The following ZNF780A variants were observed in gnomAD, a reference collection of about 807,000 sequenced individuals.
ZNF780A encodes zinc finger protein 780A.
A neutral mutation model predicts 56.7 loss-of-function variants in ZNF780A; 40 were observed. The ratio of observed to expected loss-of-function variants is 0.71; its 90% CI spans 0.55 to 0.92. The LOEUF is 0.92. Among genes scored for constraint, ZNF780A ranks in the 40% least tolerant of loss-of-function variants. The probability of loss-of-function intolerance (pLI) is 0.00; values close to 1 mark genes in which losing one functional copy is unlikely to be tolerated. For missense variants in ZNF780A, 672 were observed against 783.3 expected (o/e 0.86, Z 1.70); for synonymous variants, 231 against 248.3 (o/e 0.93, Z 0.66).
Position 40,075,296 on chromosome 19 carries a change from A to T in ZNF780A, c.1146T>A (p.Ile382=), listed in dbSNP as rs753118923. The T allele has an allele frequency of 6.2e-7, 1 of 1,613,598 alleles. No homozygotes were observed. The highest frequency in any genetic ancestry group is 1.7e-5 in the Admixed American group (1 of 59,952). The part of the protein sequence containing the change: ...LLNQLNRHKN[I]HTGEKPFECK... ...ATTCAAACGGTTTTTCACCTGTGTG[A>T]ATGTTCTTATGGCGATTAAGCTGGT... Residue 382 remains isoleucine (I), a synonymous_variant, in exon 6 of 6, where the codon ATT becomes ATA. Transcript: ENST00000683561.
At position 40,074,599 on chromosome 19, in the gene ZNF780A, A is replaced by T. The variant is rs142531830; in HGVS notation, c.1843T>A (p.Cys615Ser). The T allele has an allele frequency of 3.9e-3, 6,362 of 1,613,990 alleles. 18 individuals carry two copies. Among genetic ancestry groups the T allele is most frequent in the Non-Finnish European group, 4.7e-3 (5,503 of 1,179,986 alleles). The change falls in exon 6 of 6, where the codon TGT becomes AGT. Residue 615 changes from cysteine to serine, a missense_variant. Cys to Ser is a moderately radical substitution (Grantham distance 112). Coordinates refer to ENST00000683561, the MANE Select transcript of ZNF780A (RefSeq NM_001142578.2). Reference sequence around the variant, plus strand: ...CTAAAAACCTTTCCACATTCCTTACATTCAAAGGGTTTCTCACCAGTATGC... The same window carrying T: ...CTAAAAACCTTTCCACATTCCTTACTTTCAAAGGGTTTCTCACCAGTATGC... ...KLHTGEKPFECKECGKVFSLP... is the reference protein window; with the variant it reads ...KLHTGEKPFESKECGKVFSLP...
chr19:40,082,541 T>A (rs993460503), intron 4 of ZNF780A, among the ~76,000 whole-genome samples: 1 of 152,216 alleles, frequency 6.6e-6, no homozygotes, highest in Non-Finnish European at 1.5e-5. Context: ...TAGTGTTAAA[T>A]GAATTTCTGT....
At position 40,081,843 on chromosome 19, in the gene ZNF780A, T is replaced by G. The variant is rs972524150; in HGVS notation, c.208A>C (p.Lys70Gln). The G allele has an allele frequency of 2.5e-6, 4 of 1,612,834 alleles. No homozygotes were observed. Among genetic ancestry groups the G allele is most frequent in the African/African-American group, 2.7e-5 (2 of 74,828 alleles). The change falls in exon 5 of 6, where the codon AAA becomes CAA. Residue 70 changes from lysine (K) to glutamine (Q), a missense_variant. Physicochemically the swap from Lys to Gln is moderately conservative, Grantham distance 53. Transcript: ENST00000683561. Reference protein sequence around the residue: ...QEKEPWMVVRKETSRRYPDLE... With the variant: ...QEKEPWMVVRQETSRRYPDLE... ...CCTGGATACCGTCTGCTTGTTTCTT[T>G]CCTTACAACCATCCAGGGCTCTTTC... is the stretch of plus-strand genomic sequence containing the variant.
rs1161754075 is a variant in ZNF780A, at chr19:40,074,338, C to T, written c.*178G>A. On this transcript the variant is annotated 3_prime_UTR_variant, in exon 6 of 6. Transcript: ENST00000683561. Reference sequence around the variant, plus strand: ...AATGATATCTAAAGGTCGTCCTCCACTCCTTGCATACAAAGAGTTTCTCAC... The same window carrying T: ...AATGATATCTAAAGGTCGTCCTCCATTCCTTGCATACAAAGAGTTTCTCAC... 2.6e-6 allele frequency: 4 copies of T among 1,523,624 alleles called. No homozygotes were observed. In the African/African-American group the frequency reaches 4.2e-5, roughly 16 times the overall value. 94.4% of individuals were successfully genotyped at this position (1,523,624 alleles called of 1,614,324 possible). A position where few individuals can be genotyped will look rare whatever the true frequency, so the allele number is the denominator to read the frequency against.
chr19:40,085,558 T>C (rs1465653279), intron 2 of ZNF780A, among the ~76,000 whole-genome samples: 7 of 152,162 alleles, frequency 4.6e-5, no homozygotes, highest in Non-Finnish European at 1.0e-4. Context: ...CCTCTGTGTA[T>C]TGTAGCTCCA....
Position 40,075,462 on chromosome 19 carries a change from T to A in ZNF780A, c.980A>T (p.His327Leu), listed in dbSNP as rs768382786. 6.2e-7 allele frequency: 1 copy of A among 1,614,054 alleles called. No individual in the cohort carries two copies. Among genetic ancestry groups the A allele is most frequent in the Non-Finnish European group, 8.5e-7 (1 of 1,180,024 alleles). Residue 327 changes from histidine (H) to leucine (L), a missense_variant, in exon 6 of 6, where the codon CAT (histidine) becomes CTT (leucine). Transcript: ENST00000683561. ...HYQLIEHCQI[H>L]TGEKPFECKE... ...ACATTCAAAGGGTTTCTCACCAGTA[T>A]GAATTTGGCAATGTTCAATAAGTTG...
chr19:40,072,224 C>A, downstream of ZNF780A: 1 of 224,364 alleles, frequency 4.5e-6, no homozygotes, highest in South Asian at 8.2e-5. Context: ...GAGGAAATCT[C>A]AACTGCACAA....
chr19:40,087,541 A>C (rs1974882542), intron 2 of ZNF780A, among the ~76,000 whole-genome samples: 1 of 152,208 alleles, frequency 6.6e-6, no homozygotes, highest in African/African-American at 2.4e-5. Context: ...AATTTCTATA[A>C]TACTTCAATA....
chr19:40,073,058 C>G lies in ZNF780A; in HGVS notation c.*1458G>C. 7.1e-7 allele frequency: 1 copy of G among 1,411,384 alleles called. No homozygotes were observed. The highest frequency in any genetic ancestry group is 2.8e-5 in the East Asian group (1 of 36,162). The allele number at this position is 1,411,384 out of a possible 1,614,324, so 87.4% of individuals were successfully genotyped here. On this transcript the variant is annotated 3_prime_UTR_variant, in exon 6 of 6. Transcript: ENST00000683561. The stretch of plus-strand genomic sequence containing the variant: ...TGGTACAATGGCTATATGATATTGT[C>G]TATATTGTCTTCATGTTTGGTTGAT...
rs1974102930 is a variant in ZNF780A, at chr19:40,075,876, C to T, written c.566G>A (p.Gly189Glu). ...NLIQHQSIHT[G>E]EKPFECKECG... ...CTCCTTACATTCAAAGGGTTTCTCT[C>T]CAGTATGAATACTCTGATGCTGAAT... Residue 189 changes from glycine to glutamate, a missense_variant, in exon 6 of 6, where the codon GGA (glycine) becomes GAA (glutamate). By Grantham distance (98) the Gly-to-Glu change is moderately conservative. Transcript: ENST00000683561. 3 of 1,614,088 alleles carry T rather than the reference C, an allele frequency of 1.9e-6. No individual in the cohort carries two copies. The highest frequency in any genetic ancestry group is 2.5e-6 in the Non-Finnish European group (3 of 1,179,988).
chr19:40,084,639 G>T lies in ZNF780A; in HGVS notation c.9+106C>A. 4 of 1,157,868 alleles carry T rather than the reference G, an allele frequency of 3.5e-6. No homozygotes were observed. The East Asian group carries it at 7.8e-5, about 23-fold the overall frequency. The allele number at this position is 1,157,868 out of a possible 1,614,324, so 71.7% of individuals were successfully genotyped here. A position where few individuals can be genotyped will look rare whatever the true frequency, so the allele number is the denominator to read the frequency against. The stretch of plus-strand genomic sequence containing the variant: ...CCTTCACTGTAATGGGACAAACTGG[G>T]GTGTAAGATCGTGAATTCTAGGTAC... On this transcript the variant is annotated intron_variant, in intron 3 of 5. Transcript: ENST00000683561.
intron 3 of ZNF780A, among the ~76,000 whole-genome samples, chr19:40,084,187 G>A (rs996971419): frequency 3.9e-5 from 6 of 152,004 alleles, no homozygotes; most frequent in East Asian, 1.9e-4. Flanking sequence ...GGGATTGCAC[G>A]CGTGAGCCAC....
intron 4 of ZNF780A, among the ~76,000 whole-genome samples, chr19:40,082,549 T>C (rs1318497636): frequency 2.0e-5 from 3 of 152,212 alleles, no homozygotes; most frequent in Non-Finnish European, 2.9e-5. Context: ...AATGAATTTC[T>C]GTCAACCCAA....
intron 2 of ZNF780A, among the ~76,000 whole-genome samples, chr19:40,089,794 C>T (rs922113059): frequency 2.0e-5 from 3 of 152,196 alleles, no homozygotes; most frequent in Admixed American, 6.5e-5. Flanking sequence ...TACCGAATGC[C>T]TCACAGGCAA....
downstream of ZNF780A, chr19:40,072,661 A>C (rs1480914439): frequency 6.0e-6 from 6 of 992,662 alleles, no homozygotes; most frequent in Admixed American, 2.1e-4. Context: ...TGCAAAAAAA[A>C]AAAAAAAAAG....
rs761307612 is a variant in ZNF780A at position 40,074,867 on chromosome 19, A to G, written c.1575T>C (p.Gly525=). The change falls in exon 6 of 6, where the codon GGT becomes GGC. Residue 525 remains glycine (G), a synonymous_variant. Transcript: ENST00000683561. ...QLSQHQKTHT[G]EKPFECKECG... ...ATTCCTTACATTCAAATGGTTTTTC[A>G]CCTGTGTGAGTTTTCTGATGTTGGG... 2 of 1,614,156 alleles carry G rather than the reference A, an allele frequency of 1.2e-6. No homozygotes were observed. Among genetic ancestry groups the G allele is most frequent in the Non-Finnish European group, 1.7e-6 (2 of 1,180,024 alleles).
At position 40,074,877 on chromosome 19, in the gene ZNF780A, G is replaced by A. The variant is rs766088593; in HGVS notation, c.1565C>T (p.Thr522Ile). The change falls in exon 6 of 6, where the codon ACT becomes ATT. Residue 522 changes from threonine to isoleucine, a missense_variant. Physicochemically the swap from Thr to Ile is moderately conservative, Grantham distance 89 (BLOSUM62 -1). Coordinates refer to ENST00000683561, the MANE Select transcript of ZNF780A (RefSeq NM_001142578.2). ...LYLQLSQHQK[T>I]HTGEKPFECK... ...TTCAAATGGTTTTTCACCTGTGTGA[G>A]TTTTCTGATGTTGGGAAAGTTGTAG... 1.2e-6 allele frequency: 2 copies of A among 1,613,072 alleles called. No homozygotes were observed. Among genetic ancestry groups the A allele is most frequent in the Non-Finnish European group, 1.7e-6 (2 of 1,179,722 alleles).
chr19:40,081,976 T>C, intron 4 of ZNF780A, 62 bp from the exon 5 acceptor site: 1 of 1,180,612 alleles, frequency 8.5e-7, no homozygotes, highest in Non-Finnish European at 1.2e-6. Flanking sequence ...TTTCAAATCT[T>C]TGTGACCTGC....
chr19:40,077,185 C>G (rs1248156961), intron 5 of ZNF780A, among the ~76,000 whole-genome samples: 3 of 152,068 alleles, frequency 2.0e-5, no homozygotes, highest in Non-Finnish European at 4.4e-5. Context: ...CCACCAGAGC[C>G]CAAGGACTTG....
Sources: gnomAD v4.1 joint callset for allele counts (sites outside exome capture counted in the v4.1 genomes callset) on GRCh38, gnomAD v4.1.1 for gene constraint, MANE v1.5 for transcripts, NCBI Gene and HGNC (gene_info 2026-07-23, HGNC 2026-07-21) for gene names.